DMD: variants seen among roughly 807,000 people sequenced by gnomAD.
DMD encodes dystrophin, also known as mutant dystrophin.
A neutral mutation model predicts 330.1 loss-of-function variants in DMD; 63 were observed. The observed-to-expected ratio is 0.19, with a 90% CI of 0.16 to 0.24. The LOEUF is 0.24. DMD is among the 10% of genes least tolerant of loss of function. The pLI, the probability that DMD is intolerant of heterozygous loss-of-function variation, is 1.00. For synonymous variants in DMD, 1,223 were observed against 959.8 expected (o/e 1.27, Z -5.07); for missense variants, 3,344 against 2,684.1 (o/e 1.25, Z -5.43).
chrX:33,021,284 C>T (rs1255778023), intron 1 of DMD, among the ~76,000 whole-genome samples: 1 of 110,534 alleles, frequency 9.0e-6, no homozygotes, highest in Non-Finnish European at 1.9e-5. Context: ...CTTTTTGCCC[C>T]TAAACTGGAA....
At chrX:31,203,296 A>AG (rs2148534184) in intron 67 of DMD, among the ~76,000 whole-genome samples, 1 of 67,415 alleles carries the variant, frequency 1.5e-5, no homozygotes, top group African/African-American at 4.9e-5. Context: ...AAGAAAAAAA[A>AG]AAAAAAAAGG....
chrX:32,679,510 G>T (rs1453750971), intron 9 of DMD, among the ~76,000 whole-genome samples: 11 of 110,866 alleles, frequency 9.9e-5, no homozygotes, highest in Non-Finnish European at 2.1e-4. Flanking sequence ...TTTTATGTCC[G>T]AAAGTTCTTA....
chrX:31,754,376 G>A (rs1303485003), intron 51 of DMD, among the ~76,000 whole-genome samples: 2 of 111,045 alleles, frequency 1.8e-5, no homozygotes, highest in African/African-American at 6.5e-5. Context: ...TGGTAAGTTG[G>A]TTGGTTTACA....
chrX:32,821,328 C>A (rs2078223478), intron 5 of DMD, among the ~76,000 whole-genome samples: 1 of 111,170 alleles, frequency 9.0e-6, no homozygotes, highest in African/African-American at 3.3e-5. Flanking sequence ...CTCATGCCTG[C>A]AATCCCAGCA....
intron 1 of DMD, among the ~76,000 whole-genome samples, chrX:33,177,141 C>T (rs373690600): frequency 9.0e-6 from 1 of 111,045 alleles, no homozygotes; most frequent in Non-Finnish European, 1.9e-5. Context: ...TACTTTCAGT[C>T]GTTGGTTGCA....
intron 60 of DMD, among the ~76,000 whole-genome samples, chrX:31,357,909 GCATAT>G (rs1333503377): frequency 9.0e-6 from 1 of 111,693 alleles, no homozygotes; most frequent in Non-Finnish European, 1.9e-5. Flanking sequence ...TCTCTTCTTC[GCATAT>G]CATAAGCCAC....
chrX:32,697,821 T>G, intron 9 of DMD, 49 bp downstream of exon 9: 1 of 1,195,497 alleles, frequency 8.4e-7, no homozygotes, highest in Non-Finnish European at 1.1e-6. Flanking sequence ...TTAGATTATC[T>G]TGGAAGCAGT....
chrX:31,121,764 T>C lies in DMD; in HGVS notation c.*155A>G. The C allele has an allele frequency of 2.5e-6, 2 of 801,454 alleles. No individual in the cohort carries two copies. Among genetic ancestry groups the C allele is most frequent in the South Asian group, 4.1e-5 (2 of 48,495 alleles). 66.0% of individuals were successfully genotyped at this position (801,454 alleles called of 1,213,427 possible). A position where few individuals can be genotyped will look rare whatever the true frequency, so the allele number is the denominator to read the frequency against. On this transcript the variant is annotated 3_prime_UTR_variant, in exon 79 of 79. Coordinates refer to ENST00000357033, the MANE Select transcript of DMD (RefSeq NM_004006.3). ...ATATAGATTTATTTCTTGTAAACTCTTACTGTCTAATCCTCTTTGTTGTAT... is the reference window on the plus strand; with the variant it reads ...ATATAGATTTATTTCTTGTAAACTCCTACTGTCTAATCCTCTTTGTTGTAT...
At chrX:31,601,683 T>C (rs2077374617) in intron 55 of DMD, among the ~76,000 whole-genome samples, 1 of 111,684 alleles carries the variant, frequency 9.0e-6, no homozygotes, top group South Asian at 3.7e-4. Flanking sequence ...ACACAGAGTG[T>C]ATGCTACGAA....
intron 2 of DMD, among the ~76,000 whole-genome samples, chrX:32,880,536 A>G (rs1343270774): frequency 9.0e-6 from 1 of 111,716 alleles, no homozygotes; most frequent in Non-Finnish European, 1.9e-5. Context: ...GACATACTAT[A>G]TAGTCTTGTA....
At chrX:32,980,963 C>G (rs1322428344) in intron 2 of DMD, among the ~76,000 whole-genome samples, 1 of 111,595 alleles carries the variant, frequency 9.0e-6, no homozygotes, top group Non-Finnish European at 1.9e-5. Flanking sequence ...TAATTTATAT[C>G]ATGGGGGCTT....
intron 4 of DMD, among the ~76,000 whole-genome samples, chrX:32,824,817 G>A (rs2078565253): frequency 8.9e-6 from 1 of 111,818 alleles, no homozygotes; most frequent in African/African-American, 3.2e-5. Context: ...TTTTATGAAT[G>A]TTGACATCTT....
intron 44 of DMD, among the ~76,000 whole-genome samples, chrX:32,039,209 C>T (rs193077843): frequency 9.0e-6 from 1 of 110,667 alleles, no homozygotes; most frequent in African/African-American, 3.3e-5. Flanking sequence ...AATAGGCCTT[C>T]AAGAAATGAG....
rs190716032 is a variant in DMD, at chrX:33,078,933, T to A, written c.32-58733A>T. Among the ~76,000 whole-genome samples the A allele has an allele frequency of 2.8e-3, 315 of 112,390 alleles. 3 individuals carry two copies. The highest frequency in any genetic ancestry group is 1.0e-2 in the African/African-American group (309 of 31,006). On this transcript the variant is annotated intron_variant, in intron 1 of 78. Transcript: ENST00000357033. ...GAAAACCAAACACCATTCACTCTTCTATTTGAAAGTTTTCCTTCTATTCTA... is the reference window on the plus strand; with the variant it reads ...GAAAACCAAACACCATTCACTCTTCAATTTGAAAGTTTTCCTTCTATTCTA...
intron 47 of DMD, among the ~76,000 whole-genome samples, chrX:31,927,535 T>C (rs1217212948): frequency 8.9e-6 from 1 of 111,958 alleles, no homozygotes; most frequent in Non-Finnish European, 1.9e-5. Context: ...TGTATTGTTA[T>C]GTAGCTATAA....
intron 43 of DMD, among the ~76,000 whole-genome samples, chrX:32,269,808 T>C (rs1396471440): frequency 8.9e-6 from 1 of 112,409 alleles, no homozygotes; most frequent in Non-Finnish European, 1.9e-5. Flanking sequence ...TTATTTTGTT[T>C]TGTTTTTCTC....
intron 52 of DMD, among the ~76,000 whole-genome samples, chrX:31,702,329 G>T (rs2083870552): frequency 8.9e-6 from 1 of 111,824 alleles, no homozygotes; most frequent in South Asian, 3.8e-4. Flanking sequence ...CTTGAACTCT[G>T]TATCCATAGA....
intron 3 of DMD, 144 bp downstream of exon 3, chrX:32,849,584 C>T (rs368275580): frequency 6.3e-5 from 28 of 441,534 alleles, no homozygotes; most frequent in South Asian, 3.2e-4. Flanking sequence ...GAAAATCATA[C>T]GAGGTTGCTT....
At chrX:31,180,622 T>G in intron 68 of DMD, 141 bp from the exon 69 acceptor site, 1 of 516,914 alleles carries the variant, frequency 1.9e-6, no homozygotes, top group Non-Finnish European at 3.4e-6. Context: ...AGTGATTAAC[T>G]TTCTGCCTCC....
Sources: allele counts gnomAD v4.1 joint callset (sites outside exome capture counted in the v4.1 genomes callset), GRCh38; gene constraint gnomAD v4.1.1; transcripts MANE v1.5; gene names NCBI Gene and HGNC (gene_info 2026-07-23, HGNC 2026-07-21).